TCERG1L: variants seen among roughly 807,000 people sequenced by gnomAD.
TCERG1L encodes the protein transcription elongation regulator 1 like, also known as transcription elongation regulator 1-like protein.
TCERG1L carries 37 observed loss-of-function variants against 56.3 expected under a neutral mutation model. The ratio of observed to expected loss-of-function variants is 0.66; its 90% CI spans 0.51 to 0.87. TCERG1L has a LOEUF of 0.87. Ranked by LOEUF, TCERG1L falls within the 40% of genes least tolerant of loss-of-function variation. TCERG1L has a pLI of 0.00. For missense variants in TCERG1L, 799 were observed against 774.2 expected (o/e 1.03, Z -0.38); for synonymous variants, 324 against 326.3 (o/e 0.99, Z 0.08).
intron 4 of TCERG1L, among the ~76,000 whole-genome samples, chr10:131,213,129 G>A (rs1160287713): frequency 6.6e-6 from 1 of 152,226 alleles, no homozygotes; most frequent in East Asian, 1.9e-4. Flanking sequence ...CCAGGGCTGA[G>A]GACTGGCTGC....
At chr10:131,108,200 A>C (rs1845373766) in intron 9 of TCERG1L, among the ~76,000 whole-genome samples, 1 of 152,196 alleles carries the variant, frequency 6.6e-6, no homozygotes, top group Admixed American at 6.5e-5. Context: ...AATGCAACAG[A>C]CTGAGAACAG....
intron 4 of TCERG1L, among the ~76,000 whole-genome samples, chr10:131,219,905 G>A (rs979815902): frequency 2.6e-5 from 4 of 152,142 alleles, no homozygotes; most frequent in Non-Finnish European, 4.4e-5. Context: ...TCGGATGAGC[G>A]TGGTTTGCTC....
At position 131,260,638 on chromosome 10, in the gene TCERG1L, C is replaced by T. The variant is rs1234445473; in HGVS notation, c.671-194G>A. ...TCTGATGAGTTCTCCATCAGTCAAA[C>T]GCTGCCATGCAACCAGTGCACACAC... On this transcript the variant is annotated intron_variant, in intron 3 of 11. Coordinates refer to ENST00000368642, the MANE Select transcript of TCERG1L (RefSeq NM_174937.4). The surrounding 1 kb of genome is among the most constrained non-coding windows in gnomAD (Gnocchi z 5.8). Among the ~76,000 whole-genome samples, 4 of 152,268 alleles carry T rather than the reference C, an allele frequency of 2.6e-5. No homozygotes were observed. The highest frequency in any genetic ancestry group is 4.4e-5 in the Non-Finnish European group (3 of 68,018).
intron 4 of TCERG1L, among the ~76,000 whole-genome samples, chr10:131,214,656 A>G (rs1199282325): frequency 6.6e-6 from 1 of 152,182 alleles, no homozygotes; most frequent in Non-Finnish European, 1.5e-5. Flanking sequence ...CCACTCATAC[A>G]GGGATTTCCA....
rs1481160158 is a variant in TCERG1L at position 131,311,615 on chromosome 10, G to A, written c.21C>T (p.Phe7=). MQAGAR[F]QRRRRQLQQQ... ...GCTGCAGCTGCCGCCGCCGCCGCTG[G>A]AACCTGGCGCCCGCCTGCATCCTAC... The change falls in exon 1 of 12, where the codon TTC becomes TTT. Residue 7 remains phenylalanine (F), a synonymous_variant. Coordinates refer to ENST00000368642, the MANE Select transcript of TCERG1L (RefSeq NM_174937.4). The surrounding 1 kb of genome is among the most constrained non-coding windows in gnomAD (Gnocchi z 4.0). 9.6e-6 allele frequency: 11 copies of A among 1,140,942 alleles called. No individual in the cohort carries two copies. The highest frequency in any genetic ancestry group is 4.9e-5 in the Admixed American group (1 of 20,484). The allele number at this position is 1,140,942 out of a possible 1,614,324, so 70.7% of individuals were successfully genotyped here. A position where few individuals can be genotyped will look rare whatever the true frequency, so the allele number is the denominator to read the frequency against.
At chr10:131,269,992 A>G (rs1846324202) in intron 3 of TCERG1L, among the ~76,000 whole-genome samples, 1 of 152,212 alleles carries the variant, frequency 6.6e-6, no homozygotes, top group Admixed American at 6.5e-5. Context: ...AGGCAAGAGG[A>G]GCGCACTTCA....
At chr10:131,127,161 G>A (rs943125769) in intron 8 of TCERG1L, among the ~76,000 whole-genome samples, 1 of 152,164 alleles carries the variant, frequency 6.6e-6, no homozygotes, top group Non-Finnish European at 1.5e-5. Context: ...AAAGGCAGAG[G>A]GGAAGTGTTT....
intron 11 of TCERG1L, among the ~76,000 whole-genome samples, chr10:131,097,188 G>A (rs1356354362): frequency 4.6e-5 from 6 of 130,230 alleles, no homozygotes; most frequent in South Asian, 2.6e-4. Flanking sequence ...GTGACACAGC[G>A]AGGGTCTGTC....
In TCERG1L at chr10:131,093,440, C is replaced by T. The variant is rs538608447; in HGVS notation, c.1605-122G>A. Reference sequence around the variant, plus strand: ...TTCCACCAGGCCTGGCCGTGGGTGGCAGGGCACCCGGTGGGTGAGCGGCTC... The same window carrying T: ...TTCCACCAGGCCTGGCCGTGGGTGGTAGGGCACCCGGTGGGTGAGCGGCTC... On this transcript the variant is annotated intron_variant, in intron 11 of 11. Coordinates refer to ENST00000368642, the MANE Select transcript of TCERG1L (RefSeq NM_174937.4). 408 of 1,226,390 alleles carry T rather than the reference C, an allele frequency of 3.3e-4. 1 individual carries two copies. The Middle Eastern group carries it at 7.3e-3, about 22-fold the overall frequency. 76.0% of individuals were successfully genotyped at this position (1,226,390 alleles called of 1,614,324 possible).
chr10:131,177,097 CAT>C (rs1308161634), intron 4 of TCERG1L, among the ~76,000 whole-genome samples: 2 of 152,120 alleles, frequency 1.3e-5, no homozygotes, highest in Admixed American at 6.5e-5. Context: ...CTCACAGACA[CAT>C]GCACACACAG....
Position 131,198,190 on chromosome 10 carries a change from GAC to G in TCERG1L, c.857-31307_857-31306del, listed in dbSNP as rs1845388359. Among the ~76,000 whole-genome samples the G allele has an allele frequency of 6.6e-5, 10 of 152,368 alleles. No individual in the cohort carries two copies. In the South Asian group the frequency reaches 2.1e-3, roughly 32 times the overall value. On this transcript the variant is annotated intron_variant, in intron 4 of 11. Transcript: ENST00000368642. ...ATTTTGTGGGATTATCATGGGAAAT[GAC>G]ACAGGTGTGGTGTGTTTATCACTAT...
intron 4 of TCERG1L, among the ~76,000 whole-genome samples, chr10:131,180,862 G>T (rs2133452095): frequency 6.6e-6 from 1 of 150,874 alleles, no homozygotes; most frequent in Non-Finnish European, 1.5e-5. Context: ...CAGTATTAAA[G>T]TGATTATAAT....
intron 11 of TCERG1L, among the ~76,000 whole-genome samples, chr10:131,096,162 C>T (rs753192991): frequency 6.0e-4 from 92 of 152,114 alleles, no homozygotes; most frequent in Non-Finnish European, 1.2e-3. Context: ...GAGGAGGGCT[C>T]GGGAGCACAG....
chr10:131,117,171 G>A (rs1183240735), intron 8 of TCERG1L, among the ~76,000 whole-genome samples: 1 of 152,140 alleles, frequency 6.6e-6, no homozygotes, highest in African/African-American at 2.4e-5. Flanking sequence ...CCCGGGCCCG[G>A]CTGTGAGAAG....
rs536455385 is a variant in TCERG1L, at chr10:131,236,433, G to A, written c.856+23826C>T. Among the ~76,000 whole-genome samples the A allele has an allele frequency of 1.3e-3, 198 of 152,266 alleles. 2 individuals are homozygous for A. The highest frequency in any genetic ancestry group is 6.2e-3 in the South Asian group (30 of 4,816). On this transcript the variant is annotated intron_variant, in intron 4 of 11. Coordinates refer to ENST00000368642, the MANE Select transcript of TCERG1L (RefSeq NM_174937.4). ...TGACATTCCAGGGCCACCAAGCCTGGGGCCACAAACCGCATGATGTGGCCA... is the reference window on the plus strand; with the variant it reads ...TGACATTCCAGGGCCACCAAGCCTGAGGCCACAAACCGCATGATGTGGCCA...
chr10:131,252,561 C>T (rs749564704), intron 4 of TCERG1L, among the ~76,000 whole-genome samples: 7 of 152,112 alleles, frequency 4.6e-5, no homozygotes, highest in African/African-American at 9.7e-5. Flanking sequence ...GCACCAAACG[C>T]GTCTATTTGA....
At chr10:131,251,484 C>G (rs1015029151) in intron 4 of TCERG1L, among the ~76,000 whole-genome samples, 28 of 152,188 alleles carry the variant, frequency 1.8e-4, no homozygotes, top group Admixed American at 1.5e-3. Flanking sequence ...CCCTTTGCAC[C>G]AGCCACCCTC....
intron 4 of TCERG1L, among the ~76,000 whole-genome samples, chr10:131,217,530 G>A (rs1405415216): frequency 6.6e-6 from 1 of 152,034 alleles, no homozygotes; most frequent in Non-Finnish European, 1.5e-5. Flanking sequence ...ACACAGGCCT[G>A]GTCAGCAACA....
intron 4 of TCERG1L, among the ~76,000 whole-genome samples, chr10:131,206,231 C>T (rs948177725): frequency 2.0e-5 from 3 of 152,252 alleles, no homozygotes; most frequent in Non-Finnish European, 2.9e-5. Context: ...GAAACACCAT[C>T]TTGGGTCACC....
Sources: allele counts gnomAD v4.1 joint callset (sites outside exome capture counted in the v4.1 genomes callset), GRCh38; gene constraint gnomAD v4.1.1; non-coding constraint Gnocchi (gnomAD v3.1); transcripts MANE v1.5; gene names NCBI Gene and HGNC (gene_info 2026-07-23, HGNC 2026-07-21).